Variants in PLIN4 observed in about 807,000 individuals in gnomAD.
PLIN4 encodes perilipin-4.
PLIN4 carries 57 observed loss-of-function variants against 52.4 expected under a neutral mutation model. The observed-to-expected ratio is 1.09, with a 90% CI of 0.88 to 1.36. The LOEUF is 1.36. Ranked by LOEUF, PLIN4 falls within the 40% of genes most tolerant of loss-of-function variation. PLIN4 has a pLI of 0.00. For synonymous variants in PLIN4, 826 were observed against 785.4 expected (o/e 1.05, Z -0.86); for missense variants, 1,757 against 1,770.3 (o/e 0.99, Z 0.13).
At chr19:4,516,557 C>G in intron 4 of PLIN4, 60 bp downstream of exon 4, 17 of 1,541,194 alleles carry the variant, frequency 1.1e-5, no homozygotes, top group Non-Finnish European at 1.5e-5. Context: ...TGAAATGTCG[C>G]AGGAGGGGGC....
At chr19:4,516,413 G>A (rs1293048386) in intron 4 of PLIN4, among the ~76,000 whole-genome samples, 1 of 152,150 alleles carries the variant, frequency 6.6e-6, no homozygotes, top group East Asian at 1.9e-4. Flanking sequence ...TCACAGATGT[G>A]GAAATAGAGG....
In PLIN4 at chr19:4,513,340, G is replaced by A. The variant is rs367850508; in HGVS notation, c.620C>T (p.Thr207Ile). Residue 207 changes from threonine (T) to isoleucine (I), a missense_variant, in exon 5 of 8, where the codon ACT becomes ATT. By Grantham distance (89) the Thr-to-Ile change is moderately conservative. This residue lies in a region of PLIN4 where 332 missense variants were observed against 310.8 expected (regional missense o/e 1.07). Transcript: ENST00000301286. ...VLTGTKDTVTTGVMGAVNLAK... is the reference protein window; with the variant it reads ...VLTGTKDTVTIGVMGAVNLAK... Reference sequence around the variant, plus strand: ...CAAGTTCACTGCCCCCATGACCCCAGTAGTCACTGTGTCTTTGGTGCCGGT... The same window carrying A: ...CAAGTTCACTGCCCCCATGACCCCAATAGTCACTGTGTCTTTGGTGCCGGT... 155 of 1,612,408 alleles carry A rather than the reference G, an allele frequency of 9.6e-5. No homozygotes were observed. The African/African-American group carries it at 1.7e-3, about 17-fold the overall frequency.
At chr19:4,516,769 A>G (rs966643101) in intron 3 of PLIN4, 91 bp from the exon 4 acceptor site, 127 of 1,287,470 alleles carry the variant, frequency 9.9e-5, no homozygotes, top group Non-Finnish European at 1.3e-4. Context: ...GGCACAGCCT[A>G]AAAGGTCAGG....
At chr19:4,518,088 CCCAGACCGCCCCCA>C (rs1209598579) in intron 2 of PLIN4, 120 bp downstream of exon 2, 1 of 781,966 alleles carries the variant, frequency 1.3e-6, no homozygotes, top group African/African-American at 1.8e-5. Context: ...CATCATGGCT[CCCAGACCGCCCCCA>C]CCAGCCCACC....
chr19:4,506,086 G>A (rs192143496), intron 6 of PLIN4, among the ~76,000 whole-genome samples: 110 of 152,174 alleles, frequency 7.2e-4, no homozygotes, highest in African/African-American at 2.4e-3. Context: ...TCTGGCCCTC[G>A]CCCCCACCCG....
chr19:4,504,390 A>G lies in PLIN4; in HGVS notation c.*69T>C. 3 of 1,379,656 alleles carry G rather than the reference A, an allele frequency of 2.2e-6. No individual in the cohort carries two copies. The highest frequency in any genetic ancestry group is 2.9e-6 in the Non-Finnish European group (3 of 1,047,514). 85.5% of individuals were successfully genotyped at this position (1,379,656 alleles called of 1,614,324 possible). ...CCGATCCAGGTTTGGGGGCGGGGAG[A>G]AAGTTCTGAGGCAGCTCCTCCCTGG... On this transcript the variant is annotated 3_prime_UTR_variant, in exon 8 of 8. Transcript: ENST00000301286.
chr19:4,512,593 TC>T lies in PLIN4; in HGVS notation c.1366del (p.Asp456ThrfsTer7), dbSNP rs762626078. The T allele has an allele frequency of 6.2e-7, 1 of 1,610,074 alleles. No individual in the cohort carries two copies. ...LARGTIQTGV[D>X]TTKIVLTGTK... The stretch of plus-strand genomic sequence containing the variant: ...ACCAGTTAGAACGATCTTGGTGGTG[TC>T]CACGCCTGTCTGGATGGTTCCTCTG... On this transcript the variant is annotated frameshift_variant, in exon 5 of 8. Transcript: ENST00000301286. LOFTEE classifies it high-confidence loss of function.
intron 7 of PLIN4, 24 bp from the exon 8 acceptor site, chr19:4,504,809 A>C (rs1976040640): frequency 6.2e-7 from 1 of 1,603,720 alleles, no homozygotes; most frequent in African/African-American, 1.3e-5. Context: ...GCGCAAGGTG[A>C]GTGGAGACCC....
chr19:4,507,579 CTTGGGAGGCTGAG>C (rs972946416), intron 6 of PLIN4, among the ~76,000 whole-genome samples: 2 of 152,078 alleles, frequency 1.3e-5, no homozygotes, highest in African/African-American at 4.8e-5. Flanking sequence ...TGTCCAGCTG[CTTGGGAGGCTGAG>C]GTGGGAGGAT....
At position 4,510,772 on chromosome 19, in the gene PLIN4, G is replaced by A. The variant is rs1976277112; in HGVS notation, c.3188C>T (p.Ser1063Phe). The A allele has an allele frequency of 1.3e-6, 2 of 1,578,658 alleles. No individual in the cohort carries two copies. Among genetic ancestry groups the A allele is most frequent in the Non-Finnish European group, 1.7e-6 (2 of 1,159,654 alleles). The stretch of plus-strand genomic sequence containing the variant: ...CCTGGAACTGGTGAGTCCACCCCAG[G>A]AGGTGGCGGGGGTACTAGGTAACCA... ...QNWLPSTPAT[S>F]WGGLTSSRTT... The change falls in exon 5 of 8, where the codon TCC (serine) becomes TTC (phenylalanine). Residue 1063 changes from serine (S) to phenylalanine (F), a missense_variant. By Grantham distance (155) the Ser-to-Phe change is radical. This residue lies in a region of PLIN4 where 712 missense variants were observed against 637.1 expected (regional missense o/e 1.12). Transcript: ENST00000301286.
Position 4,512,897 on chromosome 19 carries a change from C to T in PLIN4, c.1063G>A (p.Gly355Ser), listed in dbSNP as rs377602894. 111 of 1,574,382 alleles carry T rather than the reference C, an allele frequency of 7.1e-5. 2 individuals carry two copies. The highest frequency in any genetic ancestry group is 2.4e-4 in the South Asian group (22 of 90,618). Residue 355 changes from glycine to serine, a missense_variant, in exon 5 of 8, where the codon GGC (glycine) becomes AGC (serine). By Grantham distance (56) the Gly-to-Ser change is moderately conservative. Around this residue, in one of 7 missense-constraint regions of PLIN4, gnomAD observed 99 missense variants for 143.4 expected, o/e 0.69. Transcript: ENST00000301286. ...AGGACAGTCTTGGTGGTGTCCACGC[C>T]GGTCTGGATGGTTCCTTTGGCCACA... ...MNVAKGTIQT[G>S]VDTTKTVLTG...
chr19:4,504,110 G>A lies in PLIN4; in HGVS notation c.*349C>T, dbSNP rs1411018371. 3 of 232,258 alleles carry A rather than the reference G, an allele frequency of 1.3e-5. No homozygotes were observed. Among genetic ancestry groups the A allele is most frequent in the Non-Finnish European group, 2.5e-5 (3 of 120,522 alleles). 14.4% of individuals were successfully genotyped at this position (232,258 alleles called of 1,614,324 possible). Reference sequence around the variant, plus strand: ...AGGGTTGCTAGCGGGGCAAACAGATGCCCTTCCAGGCTGGGCACGCTGCTT... The same window carrying A: ...AGGGTTGCTAGCGGGGCAAACAGATACCCTTCCAGGCTGGGCACGCTGCTT... On this transcript the variant is annotated 3_prime_UTR_variant, in exon 8 of 8. Transcript: ENST00000301286.
chr19:4,517,970 C>T (rs1007236734), intron 2 of PLIN4, among the ~76,000 whole-genome samples: 1 of 152,220 alleles, frequency 6.6e-6, no homozygotes, highest in African/African-American at 2.4e-5. Context: ...GAAACTGAGG[C>T]TCAGAGAGGG....
chr19:4,513,277 T>C lies in PLIN4; in HGVS notation c.683A>G (p.Lys228Arg), dbSNP rs200527590. ...ATCTTTGGTGCCGGTCAGCACAGCCTTGGAGGTTTCCACGCCAGTCTGGAC... is the reference window on the plus strand; with the variant it reads ...ATCTTTGGTGCCGGTCAGCACAGCCCTGGAGGTTTCCACGCCAGTCTGGAC... ...GTVQTGVETS[K>R]AVLTGTKDAV... Residue 228 changes from lysine to arginine, a missense_variant, in exon 5 of 8, where the codon AAG (lysine) becomes AGG (arginine). By Grantham distance (26) the Lys-to-Arg change is conservative (BLOSUM62 2). Transcript: ENST00000301286. 407 of 1,613,630 alleles carry C rather than the reference T, an allele frequency of 2.5e-4. 1 individual carries two copies. The highest frequency in any genetic ancestry group is 3.0e-4 in the Non-Finnish European group (358 of 1,179,884).
At chr19:4,516,997 G>A (rs960639932) in intron 3 of PLIN4, among the ~76,000 whole-genome samples, 6 of 152,212 alleles carry the variant, frequency 3.9e-5, no homozygotes, top group South Asian at 2.1e-4. Flanking sequence ...TGCCCAGCCC[G>A]CCCCGCCCCC....
rs1599733394 is a variant in PLIN4, at chr19:4,504,124, G to T, written c.*335C>A. Reference sequence around the variant, plus strand: ...GGCAAACAGATGCCCTTCCAGGCTGGGCACGCTGCTTTTTCTCTTTCCTAA... The same window carrying T: ...GGCAAACAGATGCCCTTCCAGGCTGTGCACGCTGCTTTTTCTCTTTCCTAA... On this transcript the variant is annotated 3_prime_UTR_variant, in exon 8 of 8. Transcript: ENST00000301286. 7.7e-6 allele frequency: 2 copies of T among 259,642 alleles called. No homozygotes were observed. The highest frequency in any genetic ancestry group is 1.4e-5 in the Non-Finnish European group (2 of 137,966). The allele number at this position is 259,642 out of a possible 1,614,324, so 16.1% of individuals were successfully genotyped here.
intron 4 of PLIN4, 135 bp downstream of exon 4, chr19:4,516,482 G>T: frequency 9.4e-7 from 1 of 1,061,992 alleles, no homozygotes; most frequent in Non-Finnish European, 1.3e-6. Flanking sequence ...CAGGCCCACA[G>T]CAGCCCCCCA....
intron 5 of PLIN4, among the ~76,000 whole-genome samples, chr19:4,510,067 A>ATTT (rs777660581): frequency 0.36 from 54,022 of 150,944 alleles, 10,032 homozygotes; most frequent in East Asian, 0.54. Context: ...TACATTTTTA[A>ATTT]AAAAAAAGTC....
At chr19:4,507,590 G>A (rs950051802) in intron 6 of PLIN4, among the ~76,000 whole-genome samples, 1 of 152,100 alleles carries the variant, frequency 6.6e-6, no homozygotes, top group African/African-American at 2.4e-5. Flanking sequence ...TTGGGAGGCT[G>A]AGGTGGGAGG....
Sources: allele counts gnomAD v4.1 joint callset (sites outside exome capture counted in the v4.1 genomes callset), GRCh38; gene constraint gnomAD v4.1.1; regional missense constraint gnomAD v4.1.1; transcripts MANE v1.5; gene names NCBI Gene and HGNC (gene_info 2026-07-23, HGNC 2026-07-21).